KASH5: variants seen among roughly 807,000 people sequenced by gnomAD.
KASH5 encodes the protein KASH domain containing 5, also known as protein KASH5.
Under a neutral mutation model 84.2 loss-of-function variants are expected in KASH5, and 72 were observed. The ratio of observed to expected loss-of-function variants is 0.85; its 90% CI spans 0.71 to 1.04. The LOEUF (loss-of-function observed/expected upper bound fraction) is 1.04, where lower values mean the gene tolerates loss of function less well. KASH5 is among the 50% of genes least tolerant of loss of function. The probability of loss-of-function intolerance (pLI) is 0.00; values close to 1 mark genes in which losing one functional copy is unlikely to be tolerated. For missense variants in KASH5, 650 were observed against 701.0 expected (o/e 0.93, Z 0.82); for synonymous variants, 260 against 279.1 (o/e 0.93, Z 0.68).
In KASH5 at chr19:49,390,800, C is replaced by T; in HGVS notation, c.-84C>T. 1.3e-5 allele frequency: 19 copies of T among 1,452,446 alleles called. No homozygotes were observed. The highest frequency in any genetic ancestry group is 1.7e-5 in the Non-Finnish European group (18 of 1,082,606). The allele number at this position is 1,452,446 out of a possible 1,614,324, so 90.0% of individuals were successfully genotyped here. A position where few individuals can be genotyped will look rare whatever the true frequency, so the allele number is the denominator to read the frequency against. On this transcript the variant is annotated 5_prime_UTR_variant, in exon 2 of 20. Transcript: ENST00000447857. ...GCTTCTCCTTCCAGGAGTGCTCGGG[C>T]CAGCTGGTCCTTTTCCCATCCCTCC...
intron 14 of KASH5, among the ~76,000 whole-genome samples, 173 bp downstream of exon 14, chr19:49,409,456 C>T (rs1168411731): frequency 1.1e-4 from 16 of 152,298 alleles, no homozygotes; most frequent in Non-Finnish European, 2.1e-4. Flanking sequence ...ACCCCAAACC[C>T]ACTGCCAGAC....
In KASH5 at chr19:49,398,069, G is replaced by A; in HGVS notation, c.555G>A (p.Arg185=). Residue 185 remains arginine (R), a synonymous_variant, in exon 7 of 20, where the codon CGG becomes CGA. Coordinates refer to ENST00000447857, the MANE Select transcript of KASH5 (RefSeq NM_144688.5). ...RLVGENAKLQ[R]SMETAEEGSA... is the part of the protein sequence containing the mutation. ...TTGGGGAGAATGCCAAATTGCAGCG[G>A]AGCATGGAGACAGCTGAGGAGGGGT... 1.2e-6 allele frequency: 2 copies of A among 1,613,614 alleles called. No individual in the cohort carries two copies. The highest frequency in any genetic ancestry group is 1.7e-6 in the Non-Finnish European group (2 of 1,179,640).
At position 49,395,960 on chromosome 19, in the gene KASH5, G is replaced by A. The variant is rs573669317; in HGVS notation, c.400+127G>A. Reference sequence around the variant, plus strand: ...CCTTTACTGTAGACTAGAGCTGTGAGTGTGGCTTTCTAGGTCCTCCGTCCC... The same window carrying A: ...CCTTTACTGTAGACTAGAGCTGTGAATGTGGCTTTCTAGGTCCTCCGTCCC... On this transcript the variant is annotated intron_variant, in intron 5 of 19. Coordinates refer to ENST00000447857, the MANE Select transcript of KASH5 (RefSeq NM_144688.5). This position sits in a 1 kb window ranked among gnomAD's most constrained non-coding sequence, Gnocchi z 4.4. 1.0e-4 allele frequency: 74 copies of A among 729,578 alleles called. No homozygotes were observed. In the East Asian group the frequency reaches 2.1e-3, roughly 20 times the overall value. 45.2% of individuals were successfully genotyped at this position (729,578 alleles called of 1,614,324 possible). A position where few individuals can be genotyped will look rare whatever the true frequency, so the allele number is the denominator to read the frequency against.
chr19:49,404,112 C>G lies in KASH5; in HGVS notation c.799-2774C>G, dbSNP rs1307220318. Reference sequence around the variant, plus strand: ...GGTGGACAGATGTTGAGACAGCACTCCTTTCCCGTCCTTCCTCTGCCCTTC... The same window carrying G: ...GGTGGACAGATGTTGAGACAGCACTGCTTTCCCGTCCTTCCTCTGCCCTTC... On this transcript the variant is annotated intron_variant, in intron 9 of 19. Coordinates refer to ENST00000447857, the MANE Select transcript of KASH5 (RefSeq NM_144688.5). Among the ~76,000 whole-genome samples, 3 of 152,228 alleles carry G rather than the reference C, an allele frequency of 2.0e-5. No individual in the cohort carries two copies. In the East Asian group the frequency reaches 5.8e-4, roughly 29 times the overall value.
intron 9 of KASH5, among the ~76,000 whole-genome samples, chr19:49,406,248 C>G (rs1368109088): frequency 1.3e-5 from 2 of 151,776 alleles, no homozygotes; most frequent in Non-Finnish European, 2.9e-5. Flanking sequence ...TTATATTGTT[C>G]TTTTGATTTT....
In KASH5 at chr19:49,416,736, TCC is replaced by T. The variant is rs1974916461; in HGVS notation, c.1375-278_1375-277del. Among the ~76,000 whole-genome samples, 1 of 152,156 alleles carries T rather than the reference TCC, an allele frequency of 6.6e-6. No homozygotes were observed. The highest frequency in any genetic ancestry group is 1.5e-5 in the Non-Finnish European group (1 of 68,020). ...CAAGCTATTGCCCCCGCCTTTTTTT[TCC>T]TACATTCACTCATTTAGTCTCCATG... is the stretch of plus-strand genomic sequence containing the variant. On this transcript the variant is annotated intron_variant, in intron 17 of 19. Transcript: ENST00000447857. This position sits in a 1 kb window ranked among gnomAD's most constrained non-coding sequence, Gnocchi z 5.4.
intron 1 of KASH5, among the ~76,000 whole-genome samples, chr19:49,389,171 TA>T (rs542505272): frequency 1.1e-5 from 1 of 89,946 alleles, no homozygotes; most frequent in South Asian, 4.6e-4. Context: ...AGACCCCGAA[TA>T]AATCAAGACC....
chr19:49,392,816 G>A (rs141449435), intron 2 of KASH5, among the ~76,000 whole-genome samples: 5,245 of 152,070 alleles, frequency 0.034, 282 homozygotes, highest in African/African-American at 0.12. Context: ...GGAGGCTGAC[G>A]CAGGAGAATT....
In KASH5 at chr19:49,407,291, T is replaced by C; in HGVS notation, c.928T>C (p.Ser310Pro). The C allele has an allele frequency of 6.2e-7, 1 of 1,613,816 alleles. No homozygotes were observed. Among genetic ancestry groups the C allele is most frequent in the Non-Finnish European group, 8.5e-7 (1 of 1,179,782 alleles). The change falls in exon 11 of 20, where the codon TCT becomes CCT. Residue 310 changes from serine to proline, a missense_variant. Coordinates refer to ENST00000447857, the MANE Select transcript of KASH5 (RefSeq NM_144688.5). ...HLICQRDTIL[S>P]ERTRDVESLA... ...CATTTGCCAAAGAGACACCATCCTC[T>C]CTGAGGTAAGGGGCCCCGGGAGGGA...
At chr19:49,408,818 C>A in intron 12 of KASH5, 149 bp from the exon 13 acceptor site, 1 of 715,310 alleles carries the variant, frequency 1.4e-6, no homozygotes, top group Non-Finnish European at 2.3e-6. Flanking sequence ...TCTGTCATGG[C>A]TTTCTTCCCC....
chr19:49,414,951 G>T lies in KASH5; in HGVS notation c.1329G>T (p.Trp443Cys), dbSNP rs1430518982. 7.4e-6 allele frequency: 12 copies of T among 1,612,688 alleles called. No homozygotes were observed. Among genetic ancestry groups the T allele is most frequent in the Non-Finnish European group, 1.0e-5 (12 of 1,179,482 alleles). Residue 443 changes from tryptophan (W) to cysteine (C), a missense_variant and splice_region_variant, in exon 17 of 20, where the codon TGG becomes TGT. Coordinates refer to ENST00000447857, the MANE Select transcript of KASH5 (RefSeq NM_144688.5). The surrounding 1 kb of genome is among the most constrained non-coding windows in gnomAD (Gnocchi z 4.5). ...CAGCAGTGACTTTGTTGGCCCTCAG[G>T]TTGACCAGAAGAGAGGAAGAGGAGG... Reference protein sequence around the residue: ...PEEGRKEPSMWLTRREEEEDA... With the variant: ...PEEGRKEPSMCLTRREEEEDA...
intron 5 of KASH5, among the ~76,000 whole-genome samples, chr19:49,396,068 C>G (rs1466308446): frequency 6.6e-6 from 1 of 152,044 alleles, no homozygotes; most frequent in East Asian, 1.9e-4. Flanking sequence ...TTAGAGAGGC[C>G]TACGAGGCCC....
At chr19:49,397,790 A>G in intron 6 of KASH5, 73 bp downstream of exon 6, 1 of 1,544,656 alleles carries the variant, frequency 6.5e-7, no homozygotes, top group South Asian at 1.1e-5. Flanking sequence ...AGGCCCGGGT[A>G]GGGCTTGGGA....
chr19:49,395,101 C>T lies in KASH5; in HGVS notation c.149-5C>T. On this transcript the variant is annotated splice_polypyrimidine_tract_variant and splice_region_variant and intron_variant, in intron 3 of 19. Coordinates refer to ENST00000447857, the MANE Select transcript of KASH5 (RefSeq NM_144688.5). This position sits in a 1 kb window ranked among gnomAD's most constrained non-coding sequence, Gnocchi z 4.4. Reference sequence around the variant, plus strand: ...CAGACCCCCTCACTGCATGCTCTGTCACAGGCACTGTGGCTGTGGCCCAGG... The same window carrying T: ...CAGACCCCCTCACTGCATGCTCTGTTACAGGCACTGTGGCTGTGGCCCAGG... 1 of 1,603,154 alleles carries T rather than the reference C, an allele frequency of 6.2e-7. No individual in the cohort carries two copies. The highest frequency in any genetic ancestry group is 8.5e-7 in the Non-Finnish European group (1 of 1,177,212).
chr19:49,399,505 G>T lies in KASH5; in HGVS notation c.796G>T (p.Glu266Ter). 1 of 1,607,384 alleles carries T rather than the reference G, an allele frequency of 6.2e-7. No homozygotes were observed. ...GGCTGAGATGGAGACTCTGCAGGAG[G>T]AGGTGAGCGGAGGCCCAGCACCACC... Reference protein sequence around the residue: ...LVAEMETLQEENGKLLAERDG... With the variant: ...LVAEMETLQE Residue 266 changes from glutamate (E) to a stop codon, truncating the protein, a stop_gained and splice_region_variant, in exon 9 of 20, where the codon GAG (glutamate) becomes TAG (stop). Coordinates refer to ENST00000447857, the MANE Select transcript of KASH5 (RefSeq NM_144688.5). LOFTEE classifies it high-confidence loss of function. The surrounding 1 kb of genome is among the most constrained non-coding windows in gnomAD (Gnocchi z 4.4).
chr19:49,390,901 C>T lies in KASH5; in HGVS notation c.18C>T (p.Gly6=). The T allele has an allele frequency of 1.9e-6, 3 of 1,600,668 alleles. No individual in the cohort carries two copies. Among genetic ancestry groups the T allele is most frequent in the Non-Finnish European group, 2.6e-6 (3 of 1,174,824 alleles). The change falls in exon 2 of 20, where the codon GGC becomes GGT. Residue 6 remains glycine (G), a synonymous_variant. Transcript: ENST00000447857. ...GGTGGCCCATGGACCTGCCCGAGGG[C>T]CCGGTGGGTGGCCCCACTGCGGAAA... The part of the protein sequence containing the change: MDLPE[G]PVGGPTAEMY...
intron 10 of KASH5, 85 bp from the exon 11 acceptor site, chr19:49,407,155 G>A (rs1223450162): frequency 8.6e-6 from 13 of 1,504,962 alleles, no homozygotes; most frequent in South Asian, 2.3e-5. Context: ...GTGGGGGTGC[G>A]AGAGAACAGG....
At chr19:49,390,402 A>G in intron 1 of KASH5, 1 of 160,488 alleles carries the variant, frequency 6.2e-6, no homozygotes, top group Non-Finnish European at 1.4e-5. Flanking sequence ...CCCAGGATTC[A>G]GGGAGCCATG....
intron 6 of KASH5, 56 bp from the exon 7 acceptor site, chr19:49,397,926 C>A: frequency 6.3e-7 from 1 of 1,579,104 alleles, no homozygotes; most frequent in Non-Finnish European, 8.6e-7. Flanking sequence ...TACCTCGACC[C>A]GGGGAAATGA....
Sources: allele counts gnomAD v4.1 joint callset (sites outside exome capture counted in the v4.1 genomes callset), GRCh38; gene constraint gnomAD v4.1.1; non-coding constraint Gnocchi (gnomAD v3.1); transcripts MANE v1.5; gene names NCBI Gene and HGNC (gene_info 2026-07-23, HGNC 2026-07-21).